The following PLIN3 variants were observed in gnomAD, a reference collection of about 807,000 sequenced individuals.
The protein encoded by PLIN3 is perilipin-3.
Under a neutral mutation model 35.9 loss-of-function variants are expected in PLIN3, and 30 were observed. The ratio of observed to expected loss-of-function variants is 0.84; its 90% CI spans 0.62 to 1.13. The LOEUF is 1.13. Ranked by LOEUF, PLIN3 falls within the 50% of genes most tolerant of loss-of-function variation. The pLI is 0.00. For missense variants in PLIN3, 603 were observed against 596.9 expected, an observed-to-expected ratio of 1.01 and a Z score of -0.11; for synonymous variants, 261 against 262.5, an observed-to-expected ratio of 0.99 and a Z score of 0.06.
At position 4,839,556 on chromosome 19, in the gene PLIN3, C is replaced by T; in HGVS notation, c.961-20G>A. The T allele has an allele frequency of 6.7e-7, 1 of 1,491,534 alleles. No individual in the cohort carries two copies. The highest frequency in any genetic ancestry group is 2.3e-5 in the East Asian group (1 of 43,168). The allele number at this position is 1,491,534 out of a possible 1,614,324, so 92.4% of individuals were successfully genotyped here. ...GACCTGCTGAGAAGGGAGATGGGGA[C>T]ACCAATCAGGACCATTTGTTTCAGG... On this transcript the variant is annotated intron_variant, in intron 7 of 7. Coordinates refer to ENST00000221957, the MANE Select transcript of PLIN3 (RefSeq NM_005817.5).
intron 7 of PLIN3, among the ~76,000 whole-genome samples, 160 bp from the exon 8 acceptor site, chr19:4,839,696 C>T (rs112230055): frequency 2.7e-5 from 4 of 150,108 alleles, no homozygotes; most frequent in East Asian, 1.9e-4. Flanking sequence ...GACGGAGTCT[C>T]GCCCTGTCGC....
chr19:4,846,164 T>C (rs1174893370), intron 6 of PLIN3, among the ~76,000 whole-genome samples: 4 of 151,546 alleles, frequency 2.6e-5, no homozygotes, highest in African/African-American at 9.7e-5. Flanking sequence ...AGGCGGAGCT[T>C]GCAGTGAGCT....
chr19:4,855,764 A>T (rs2030453992), intron 4 of PLIN3, among the ~76,000 whole-genome samples: 1 of 151,938 alleles, frequency 6.6e-6, no homozygotes, highest in South Asian at 2.1e-4. Flanking sequence ...TCCTACAAAA[A>T]ATTAAAAAAT....
intron 1 of PLIN3, among the ~76,000 whole-genome samples, chr19:4,866,061 AG>A (rs1266002627): frequency 6.9e-6 from 1 of 145,778 alleles, no homozygotes; most frequent in Non-Finnish European, 1.5e-5. Context: ...TCTGTCGCCC[AG>A]GCTGGAATGC....
At chr19:4,841,927 G>A (rs11667767) in intron 7 of PLIN3, among the ~76,000 whole-genome samples, 7,085 of 116,598 alleles carry the variant, frequency 0.061, 352 homozygotes, top group African/African-American at 0.095. Flanking sequence ...AAAAAAAAAA[G>A]AAAAAAAAAA....
chr19:4,862,413 T>C (rs1428906870), intron 1 of PLIN3, among the ~76,000 whole-genome samples: 1 of 152,164 alleles, frequency 6.6e-6, no homozygotes, highest in Non-Finnish European at 1.5e-5. Context: ...ATTATAGGTG[T>C]GAGCCATTGT....
intron 1 of PLIN3, among the ~76,000 whole-genome samples, chr19:4,865,716 ATT>A (rs1456656199): frequency 7.7e-6 from 1 of 130,064 alleles, no homozygotes; most frequent in Admixed American, 8.0e-5. Flanking sequence ...GGTTCTTTCC[ATT>A]TTTTTTTTTT....
At chr19:4,861,912 T>A (rs1364352863) in intron 1 of PLIN3, among the ~76,000 whole-genome samples, 6 of 151,098 alleles carry the variant, frequency 4.0e-5, no homozygotes, top group Non-Finnish European at 7.4e-5. Flanking sequence ...GGATTACAGG[T>A]GTGAGCCACC....
intron 4 of PLIN3, among the ~76,000 whole-genome samples, chr19:4,856,451 G>A (rs982762030): frequency 6.6e-6 from 1 of 151,838 alleles, no homozygotes; most frequent in Non-Finnish European, 1.5e-5. Context: ...CCAGCTACTC[G>A]GGAGGCTGAG....
rs138022691 is a variant in PLIN3 at position 4,849,103 on chromosome 19, T to C, written c.635-1213A>G. Among the ~76,000 whole-genome samples the C allele has an allele frequency of 4.3e-4, 65 of 151,066 alleles. 1 individual carries two copies. The highest frequency in any genetic ancestry group is 6.8e-3 in the Middle Eastern group (2 of 292). On this transcript the variant is annotated intron_variant, in intron 5 of 7. Transcript: ENST00000221957. ...CCTTGGCCTCCCGAGTAGCTGGGAC[T>C]ACATAAAGCTGGGACTACGGCAAGA...
intron 6 of PLIN3, among the ~76,000 whole-genome samples, chr19:4,846,558 G>C (rs995561098): frequency 3.3e-5 from 5 of 151,994 alleles, no homozygotes; most frequent in African/African-American, 4.8e-5. Flanking sequence ...AATTAGCCAG[G>C]CATGGTGGCA....
At chr19:4,865,002 C>T (rs978918503) in intron 1 of PLIN3, among the ~76,000 whole-genome samples, 1 of 151,718 alleles carries the variant, frequency 6.6e-6, no homozygotes, top group African/African-American at 2.4e-5. Flanking sequence ...GCAGCCTGGC[C>T]AACATACTGA....
chr19:4,847,334 C>G (rs528780765), intron 6 of PLIN3, among the ~76,000 whole-genome samples: 2 of 152,096 alleles, frequency 1.3e-5, no homozygotes, highest in East Asian at 3.9e-4. Flanking sequence ...AGATTACAGG[C>G]ACGCACCACC....
intron 7 of PLIN3, among the ~76,000 whole-genome samples, chr19:4,843,485 GT>G (rs1242352730): frequency 7.0e-6 from 1 of 142,678 alleles, no homozygotes; most frequent in Non-Finnish European, 1.5e-5. Flanking sequence ...TCCAGCCTGG[GT>G]GACAGAGCGA....
Position 4,862,949 on chromosome 19 carries a change from G to A in PLIN3, c.-17-1538C>T, listed in dbSNP as rs565747929. On this transcript the variant is annotated intron_variant, in intron 1 of 7. Transcript: ENST00000221957. ...CGAGGTGGGTGGAACACGAGGTCAG[G>A]AGTTCGAGTCCAGCCTGGCCAACAT... Among the ~76,000 whole-genome samples the A allele has an allele frequency of 5.9e-5, 9 of 151,546 alleles. No homozygotes were observed. In the East Asian group the frequency reaches 1.8e-3, roughly 30 times the overall value.
Position 4,849,078 on chromosome 19 carries a change from C to T in PLIN3, c.635-1188G>A, listed in dbSNP as rs2146202998. On this transcript the variant is annotated intron_variant, in intron 5 of 7. Coordinates refer to ENST00000221957, the MANE Select transcript of PLIN3 (RefSeq NM_005817.5). ...CTCCCAGCTTCAAGCTATCCTTCAA[C>T]CTTGGCCTCCCGAGTAGCTGGGACT... 2.0e-5 allele frequency among the ~76,000 whole-genome samples: 3 copies of T among 151,532 alleles called. No homozygotes were observed. In the South Asian group the frequency reaches 6.2e-4, roughly 32 times the overall value.
At chr19:4,851,064 T>C (rs908128103) in intron 5 of PLIN3, among the ~76,000 whole-genome samples, 1 of 152,098 alleles carries the variant, frequency 6.6e-6, no homozygotes, top group African/African-American at 2.4e-5. Flanking sequence ...ACTCGGAGGC[T>C]GAGATGGGAG....
Position 4,854,536 on chromosome 19 carries a change from T to C in PLIN3, c.349-2235A>G, listed in dbSNP as rs372404992. 2.2e-4 allele frequency among the ~76,000 whole-genome samples: 34 copies of C among 152,228 alleles called. No individual in the cohort carries two copies. The East Asian group carries it at 4.8e-3, about 22-fold the overall frequency. On this transcript the variant is annotated intron_variant, in intron 4 of 7. Coordinates refer to ENST00000221957, the MANE Select transcript of PLIN3 (RefSeq NM_005817.5). ...CTCCTGCCTCAGCCTCCCCAGCAGC[T>C]GGGACTACAGGCGTGCACTGCCACG...
chr19:4,844,618 C>G, intron 7 of PLIN3, 50 bp downstream of exon 7: 1 of 1,548,872 alleles, frequency 6.5e-7, no homozygotes, highest in South Asian at 1.2e-5. Flanking sequence ...TAGAGAGTGG[C>G]ATCGGGACTC....
Sources: gnomAD v4.1 joint callset for allele counts (sites outside exome capture counted in the v4.1 genomes callset) on GRCh38, gnomAD v4.1.1 for gene constraint, MANE v1.5 for transcripts, NCBI Gene and HGNC (gene_info 2026-07-23, HGNC 2026-07-21) for gene names.